SLC35F1: variants seen among roughly 807,000 people sequenced by gnomAD.
SLC35F1 encodes solute carrier family 35 member F1, also known as chromosome 6 open reading frame 169.
A neutral mutation model predicts 48.7 loss-of-function variants in SLC35F1; 14 were observed. That is an observed-to-expected ratio of 0.29 (90% CI 0.19 to 0.45). The LOEUF (loss-of-function observed/expected upper bound fraction) is 0.45, where lower values mean the gene tolerates loss of function less well. Among genes scored for constraint, SLC35F1 ranks in the 20% least tolerant of loss-of-function variants. The probability of loss-of-function intolerance (pLI) is 1.00; values close to 1 mark genes in which losing one functional copy is unlikely to be tolerated. For synonymous variants in SLC35F1, 190 were observed against 202.2 expected, an observed-to-expected ratio of 0.94 and a Z score of 0.51; for missense variants, 404 against 500.0, an observed-to-expected ratio of 0.81 and a Z score of 1.83.
intron 1 of SLC35F1, among the ~76,000 whole-genome samples, chr6:117,923,418 A>G (rs146654428): frequency 6.6e-6 from 1 of 151,482 alleles, no homozygotes; most frequent in African/African-American, 2.4e-5. Context: ...TAACCTTGCA[A>G]AAGTGGGTTC....
At chr6:118,189,133 G>T (rs1382338912) in intron 2 of SLC35F1, among the ~76,000 whole-genome samples, 1 of 151,994 alleles carries the variant, frequency 6.6e-6, no homozygotes, top group Non-Finnish European at 1.5e-5. Flanking sequence ...GGTTAGTCTT[G>T]AACTCCTGGA....
intron 1 of SLC35F1, among the ~76,000 whole-genome samples, chr6:117,947,531 A>G (rs544110324): frequency 6.6e-6 from 1 of 152,330 alleles, no homozygotes; most frequent in East Asian, 1.9e-4. Context: ...GAACAGAATT[A>G]GAGAGATCAC....
At chr6:118,078,799 C>T (rs575510188) in intron 1 of SLC35F1, among the ~76,000 whole-genome samples, 1 of 152,278 alleles carries the variant, frequency 6.6e-6, no homozygotes, top group Non-Finnish European at 1.5e-5. Context: ...GGGGAGACAT[C>T]TGATGTTCCT....
chr6:118,132,318 C>A (rs1009062660), intron 1 of SLC35F1, among the ~76,000 whole-genome samples: 1 of 152,210 alleles, frequency 6.6e-6, no homozygotes, highest in Non-Finnish European at 1.5e-5. Flanking sequence ...GCATGTTTGG[C>A]ACACTCGTGT....
intron 1 of SLC35F1, among the ~76,000 whole-genome samples, chr6:118,057,457 CTG>C (rs1235311117): frequency 6.6e-6 from 1 of 152,004 alleles, no homozygotes; most frequent in Non-Finnish European, 1.5e-5. Context: ...ACATTGAACA[CTG>C]AGATTCTTGC....
chr6:118,220,791 G>A (rs961109738), intron 2 of SLC35F1, among the ~76,000 whole-genome samples: 5 of 152,192 alleles, frequency 3.3e-5, no homozygotes, highest in African/African-American at 4.8e-5. Context: ...CATTTATATA[G>A]TCTTATTGAC....
rs1033188493 is a variant in SLC35F1 at position 117,955,251 on chromosome 6, A to G, written c.173+47352A>G. 1.6e-4 allele frequency among the ~76,000 whole-genome samples: 24 copies of G among 152,238 alleles called. 1 individual carries two copies. The highest frequency in any genetic ancestry group is 1.2e-3 in the Admixed American group (19 of 15,288). On this transcript the variant is annotated intron_variant, in intron 1 of 7. Transcript: ENST00000360388. ...TTAAATTGCTATTGCCAGAAGAAGT[A>G]CCTTTTAGGAATTACAAGCAAAAAT...
chr6:117,926,415 G>C (rs186995820), intron 1 of SLC35F1, among the ~76,000 whole-genome samples: 1 of 151,790 alleles, frequency 6.6e-6, no homozygotes, highest in Non-Finnish European at 1.5e-5. Context: ...AGTTTTTTTC[G>C]TAGCAGCATG....
At chr6:117,923,393 C>A (rs1369772968) in intron 1 of SLC35F1, among the ~76,000 whole-genome samples, 1 of 151,014 alleles carries the variant, frequency 6.6e-6, no homozygotes, top group Non-Finnish European at 1.5e-5. Context: ...TATTAGATAC[C>A]CCAGTATATT....
intron 7 of SLC35F1, among the ~76,000 whole-genome samples, chr6:118,302,103 G>A (rs1582778579): frequency 2.0e-5 from 3 of 151,906 alleles, no homozygotes; most frequent in African/African-American, 2.4e-5. Flanking sequence ...ATCTAACGCC[G>A]TATCTATTAG....
chr6:118,156,742 A>G (rs1000482114), intron 2 of SLC35F1, among the ~76,000 whole-genome samples: 1 of 152,040 alleles, frequency 6.6e-6, no homozygotes, highest in Non-Finnish European at 1.5e-5. Flanking sequence ...GACAACTTGA[A>G]GCGCAGGGCT....
At chr6:118,125,259 A>C (rs770037040) in intron 1 of SLC35F1, among the ~76,000 whole-genome samples, 1 of 152,114 alleles carries the variant, frequency 6.6e-6, no homozygotes, top group Non-Finnish European at 1.5e-5. Flanking sequence ...CTATTGTTAC[A>C]GTAGTGATGT....
At chr6:117,974,183 G>A (rs1776678257) in intron 1 of SLC35F1, among the ~76,000 whole-genome samples, 1 of 152,256 alleles carries the variant, frequency 6.6e-6, no homozygotes, top group Admixed American at 6.5e-5. Flanking sequence ...AAATAAATTA[G>A]TTATGCCATT....
chr6:118,299,019 T>C (rs1211619056), intron 7 of SLC35F1, among the ~76,000 whole-genome samples: 1 of 151,806 alleles, frequency 6.6e-6, no homozygotes, highest in Non-Finnish European at 1.5e-5. Context: ...TACAAACATA[T>C]ATATTTTTTA....
At chr6:118,301,219 A>T (rs1246533949) in intron 7 of SLC35F1, among the ~76,000 whole-genome samples, 1 of 152,140 alleles carries the variant, frequency 6.6e-6, no homozygotes, top group Non-Finnish European at 1.5e-5. Context: ...TTCACAGGAA[A>T]CATTGAAGTT....
Position 118,300,995 on chromosome 6 carries a change from C to G in SLC35F1, c.1003-13033C>G, listed in dbSNP as rs183199421. Reference sequence around the variant, plus strand: ...GTGTTCCATTGCTCTGTGGAGGTTTCCGTAGTTATGAATTGTACTGGTGTT... The same window carrying G: ...GTGTTCCATTGCTCTGTGGAGGTTTGCGTAGTTATGAATTGTACTGGTGTT... On this transcript the variant is annotated intron_variant, in intron 7 of 7. Transcript: ENST00000360388. Among the ~76,000 whole-genome samples the G allele has an allele frequency of 1.2e-3, 185 of 152,156 alleles. 1 individual carries two copies. Among genetic ancestry groups the G allele is most frequent in the African/African-American group, 4.3e-3 (177 of 41,512 alleles).
At chr6:118,137,477 C>G (rs966412961) in intron 1 of SLC35F1, among the ~76,000 whole-genome samples, 5 of 152,130 alleles carry the variant, frequency 3.3e-5, no homozygotes, top group African/African-American at 1.2e-4. Flanking sequence ...AGGAGTTCCC[C>G]CCTCCTACTC....
chr6:118,117,651 A>T (rs1443797710), intron 1 of SLC35F1, among the ~76,000 whole-genome samples: 6 of 152,206 alleles, frequency 3.9e-5, no homozygotes, highest in Non-Finnish European at 8.8e-5. Context: ...TTGCATAATT[A>T]TATACAATCA....
intron 1 of SLC35F1, among the ~76,000 whole-genome samples, chr6:117,974,828 G>A (rs1339249452): frequency 6.6e-6 from 1 of 152,204 alleles, no homozygotes; most frequent in Non-Finnish European, 1.5e-5. Flanking sequence ...GAGAAGAGTA[G>A]CATTGTTTTA....
Sources: gnomAD v4.1 joint callset for allele counts (sites outside exome capture counted in the v4.1 genomes callset) on GRCh38, gnomAD v4.1.1 for gene constraint, MANE v1.5 for transcripts, NCBI Gene and HGNC (gene_info 2026-07-23, HGNC 2026-07-21) for gene names.